Variants in NUP188 observed in about 807,000 individuals in gnomAD.
NUP188 encodes nucleoporin 188.
NUP188 carries 97 observed loss-of-function variants against 223.0 expected under a neutral mutation model. That is an observed-to-expected ratio of 0.43 (90% CI 0.37 to 0.51). The LOEUF is 0.51. NUP188 is among the 20% of genes least tolerant of loss of function. The pLI, the probability that NUP188 is intolerant of heterozygous loss-of-function variation, is 0.00. For synonymous variants in NUP188, 869 were observed against 828.0 expected (o/e 1.05, Z -0.85); for missense variants, 1,947 against 2,175.6 (o/e 0.89, Z 2.09).
intron 31 of NUP188, 119 bp from the exon 32 acceptor site, chr9:128,998,419 C>G: frequency 9.6e-7 from 1 of 1,042,144 alleles, no homozygotes; most frequent in South Asian, 1.3e-5. Context: ...GCTTCTCCCC[C>G]TCCACTCCAC....
intron 25 of NUP188, among the ~76,000 whole-genome samples, chr9:128,992,110 C>T (rs932118045): frequency 6.6e-6 from 1 of 151,648 alleles, no homozygotes; most frequent in Non-Finnish European, 1.5e-5. Flanking sequence ...GGGGTTTCAC[C>T]GTGGTCTCGA....
intron 32 of NUP188, 28 bp downstream of exon 32, chr9:128,998,651 C>A: frequency 6.3e-7 from 1 of 1,576,226 alleles, no homozygotes; most frequent in Non-Finnish European, 8.7e-7. Context: ...GAGGCAAGCC[C>A]GAGGCCAGAG....
chr9:128,975,135 T>C (rs1025882369), intron 12 of NUP188, among the ~76,000 whole-genome samples: 12 of 152,082 alleles, frequency 7.9e-5, no homozygotes, highest in African/African-American at 2.7e-4. Flanking sequence ...ACTACCCTTA[T>C]ATATTTTGAT....
rs1475069274 is a variant in NUP188, at chr9:128,999,207, T to G, written c.3551T>G (p.Leu1184Trp). The part of the protein sequence containing the change: ...LGSVDEILGP[L>W]TEILEGVLQA... ...TCTGTGGATGAAATCCTTGGACCCT[T>G]GACGGAGATCCTGGAGGGAGTGCTG... is the stretch of plus-strand genomic sequence containing the variant. The change falls in exon 33 of 44, where the codon TTG (leucine) becomes TGG (tryptophan). Residue 1184 changes from leucine (L) to tryptophan (W), a missense_variant. Leu to Trp is a moderately conservative substitution (Grantham distance 61). Transcript: ENST00000372577. The G allele has an allele frequency of 6.2e-7, 1 of 1,614,166 alleles. No homozygotes were observed. Among genetic ancestry groups the G allele is most frequent in the South Asian group, 1.1e-5 (1 of 91,090 alleles).
At chr9:128,999,998 G>A (rs1315608253) in intron 34 of NUP188, among the ~76,000 whole-genome samples, 193 bp downstream of exon 34, 1 of 152,230 alleles carries the variant, frequency 6.6e-6, no homozygotes, top group African/African-American at 2.4e-5. Flanking sequence ...GAGAAGTGCA[G>A]GGAGAACTTA....
intron 8 of NUP188, among the ~76,000 whole-genome samples, chr9:128,959,758 T>C (rs1204008100): frequency 1.3e-5 from 2 of 151,966 alleles, no homozygotes; most frequent in Non-Finnish European, 2.9e-5. Flanking sequence ...CAGGCTGGTC[T>C]CGAACTCCCG....
chr9:128,987,478 C>T (rs1374226080), intron 22 of NUP188, 111 bp from the exon 23 acceptor site: 1 of 995,484 alleles, frequency 1.0e-6, no homozygotes, highest in Non-Finnish European at 1.5e-6. Flanking sequence ...GAGAGCTGGT[C>T]TCCAGTGTCC....
chr9:128,999,862 C>T, intron 34 of NUP188, 57 bp downstream of exon 34: 1 of 1,530,520 alleles, frequency 6.5e-7, no homozygotes. Flanking sequence ...AGCTCTGTGC[C>T]TGACTCTGGG....
intron 19 of NUP188, among the ~76,000 whole-genome samples, chr9:128,983,776 C>T (rs561235069): frequency 2.6e-5 from 4 of 151,550 alleles, no homozygotes; most frequent in South Asian, 4.2e-4. Context: ...ATTATAGGCT[C>T]GAGCCACCAC....
intron 22 of NUP188, 105 bp downstream of exon 22, chr9:128,986,980 G>C: frequency 1.1e-6 from 1 of 937,510 alleles, no homozygotes. Flanking sequence ...CCTTGCTTGA[G>C]CCCAGAACTC....
In NUP188 at chr9:129,002,930, T is replaced by C; in HGVS notation, c.4251T>C (p.Pro1417=). ...AAACTCTGCGCTACAACTTCCTGCCTGAGGCCCTGGACTTCGTGGGTGTCC... is the reference window on the plus strand; with the variant it reads ...AAACTCTGCGCTACAACTTCCTGCCCGAGGCCCTGGACTTCGTGGGTGTCC... The part of the protein sequence containing the change: ...LLKTLRYNFL[P]EALDFVGVHQ... The change falls in exon 37 of 44, where the codon CCT becomes CCC. Residue 1417 remains proline, a synonymous_variant. Coordinates refer to ENST00000372577, the MANE Select transcript of NUP188 (RefSeq NM_015354.3). 1 of 1,614,214 alleles carries C rather than the reference T, an allele frequency of 6.2e-7. No homozygotes were observed. Among genetic ancestry groups the C allele is most frequent in the Non-Finnish European group, 8.5e-7 (1 of 1,180,036 alleles).
rs1842765778 is a variant in NUP188, at chr9:129,005,353, G to A, written c.4560G>A (p.Arg1520=). The A allele has an allele frequency of 1.2e-6, 2 of 1,613,794 alleles. No homozygotes were observed. Among genetic ancestry groups the A allele is most frequent in the Admixed American group, 1.7e-5 (1 of 60,012 alleles). The change falls in exon 40 of 44, where the codon AGG becomes AGA. Residue 1520 remains arginine (R), a synonymous_variant. Coordinates refer to ENST00000372577, the MANE Select transcript of NUP188 (RefSeq NM_015354.3). ...LPSAVAQRVQ[R]PPSAASAAPS... ...CAGCTGTTGCCCAGCGAGTCCAGAG[G>A]CCACCGTCTGCTGCTTCTGCTGCCC... is the stretch of plus-strand genomic sequence containing the variant.
At chr9:128,953,968 T>TAA (rs1466350473) in intron 3 of NUP188, among the ~76,000 whole-genome samples, 8 of 152,024 alleles carry the variant, frequency 5.3e-5, no homozygotes, top group Non-Finnish European at 1.2e-4. Context: ...TGGCTGGGAT[T>TAA]ACAGGTGCCC....
Position 129,006,986 on chromosome 9 carries a change from C to A in NUP188, c.*308C>A. 3.2e-6 allele frequency: 1 copy of A among 307,762 alleles called. No homozygotes were observed. Among genetic ancestry groups the A allele is most frequent in the Non-Finnish European group, 6.0e-6 (1 of 166,750 alleles). The allele number at this position is 307,762 out of a possible 1,614,324, so 19.1% of individuals were successfully genotyped here. A position where few individuals can be genotyped will look rare whatever the true frequency, so the allele number is the denominator to read the frequency against. ...GCCGGCCAGGGGAGAGGCGGCAGCC[C>A]AGCAGAGGGCTCTATGCACGGGTTT... On this transcript the variant is annotated 3_prime_UTR_variant, in exon 44 of 44. Coordinates refer to ENST00000372577, the MANE Select transcript of NUP188 (RefSeq NM_015354.3).
chr9:128,962,213 T>A (rs1320681189), intron 8 of NUP188, among the ~76,000 whole-genome samples: 2 of 150,856 alleles, frequency 1.3e-5, no homozygotes, highest in Non-Finnish European at 3.0e-5. Context: ...GGGATTACGG[T>A]GGTGAGCCAT....
chr9:128,981,309 A>G lies in NUP188; in HGVS notation c.1435A>G (p.Lys479Glu). 2 of 1,614,090 alleles carry G rather than the reference A, an allele frequency of 1.2e-6. No homozygotes were observed. Among genetic ancestry groups the G allele is most frequent in the Non-Finnish European group, 1.7e-6 (2 of 1,179,940 alleles). The change falls in exon 15 of 44, where the codon AAA (lysine) becomes GAA (glutamate). Residue 479 changes from lysine (K) to glutamate (E), a missense_variant. This residue lies in a region of NUP188 where 817 missense variants were observed against 865.8 expected (regional missense o/e 0.94). Coordinates refer to ENST00000372577, the MANE Select transcript of NUP188 (RefSeq NM_015354.3). The part of the protein sequence containing the change: ...DKMSFYNELY[K>E]HKPHDVISHE... ...GATGTCTTTCTACAATGAACTTTAT[A>G]AACACAAGCCTCATGATGTGATCTC...
At chr9:128,960,892 C>T (rs997302956) in intron 8 of NUP188, among the ~76,000 whole-genome samples, 1 of 152,026 alleles carries the variant, frequency 6.6e-6, no homozygotes, top group Admixed American at 6.6e-5. Context: ...CAAAACCAGC[C>T]TGGCCAACAT....
intron 20 of NUP188, 95 bp downstream of exon 20, chr9:128,985,109 ATCT>A (rs1156811249): frequency 2.1e-5 from 18 of 840,842 alleles, no homozygotes; most frequent in Non-Finnish European, 3.1e-5. Flanking sequence ...TGGTGCTGTA[ATCT>A]TCTTGTCTGT....
Position 128,982,655 on chromosome 9 carries a change from CTTTACCTGCGAGA to C in NUP188, c.1626_1638del (p.Phe542LeufsTer13). On this transcript the variant is annotated frameshift_variant, in exon 16 of 44. Coordinates refer to ENST00000372577, the MANE Select transcript of NUP188 (RefSeq NM_015354.3). LOFTEE classifies it high-confidence loss of function. Reference sequence around the variant, plus strand: ...AATACTCCTATAGCAGCTGGACCCTCTTTACCTGCGAGATTGAAATGTTGCTTCATGTTGTTTC... The same window carrying C: ...AATACTCCTATAGCAGCTGGACCCTCTTGAAATGTTGCTTCATGTTGTTTC... 6.2e-7 allele frequency: 1 copy of C among 1,614,150 alleles called. No individual in the cohort carries two copies. The highest frequency in any genetic ancestry group is 1.7e-5 in the Admixed American group (1 of 60,016).
Sources: gnomAD v4.1 joint callset for allele counts (sites outside exome capture counted in the v4.1 genomes callset) on GRCh38, gnomAD v4.1.1 for gene constraint, gnomAD v4.1.1 regional missense constraint, MANE v1.5 for transcripts, NCBI Gene and HGNC (gene_info 2026-07-23, HGNC 2026-07-21) for gene names.